Variants in DLGAP1 observed in about 807,000 individuals in gnomAD.
DLGAP1 encodes DLG associated protein 1.
In DLGAP1, 11 loss-of-function variants were observed where a neutral mutation model predicts 90.8. That is an observed-to-expected ratio of 0.12 (90% confidence interval 0.08 to 0.20). DLGAP1 has a LOEUF of 0.20. Among genes scored for constraint, DLGAP1 ranks in the 10% least tolerant of loss-of-function variants. DLGAP1 has a pLI of 1.00. For missense variants in DLGAP1, 1,050 were observed against 1,333.8 expected, an observed-to-expected ratio of 0.79 and a Z score of 3.31; for synonymous variants, 558 against 540.7, an observed-to-expected ratio of 1.03 and a Z score of -0.44.
intron 4 of DLGAP1, chr18:3,845,523 AT>A (rs1598978485): frequency 1.0e-6 from 1 of 985,252 alleles, no homozygotes; most frequent in Non-Finnish European, 1.2e-6. Context: ...CTTAGTGCAG[AT>A]TTTTCAGCCT....
intron 1 of DLGAP1, among the ~76,000 whole-genome samples, chr18:4,206,894 G>A (rs768854156): frequency 2.0e-5 from 3 of 152,194 alleles, no homozygotes; most frequent in Non-Finnish European, 4.4e-5. Context: ...ATGAAGCTGA[G>A]AGAATTTCTT....
At chr18:3,620,420 C>T (rs1172672963) in intron 7 of DLGAP1, among the ~76,000 whole-genome samples, 1 of 152,038 alleles carries the variant, frequency 6.6e-6, no homozygotes, top group African/African-American at 2.4e-5. Context: ...TTCTGACCTC[C>T]AGAACAGTGA....
At chr18:4,036,649 A>C (rs1158932479) in intron 2 of DLGAP1, among the ~76,000 whole-genome samples, 1 of 152,218 alleles carries the variant, frequency 6.6e-6, no homozygotes, top group Non-Finnish European at 1.5e-5. Flanking sequence ...ATTGACATGA[A>C]GAATGCATTT....
In DLGAP1 at chr18:3,499,233, G is replaced by A. The variant is rs1275769320; in HGVS notation, c.2886C>T (p.Ser962=). ...ASVRQNSATE[S]AESIEIYIPE... ...GGATGTAGATCTCGATGCTCTCGGC[G>A]CTCTCGGTGGCCGAGTTCTGGCGGA... Residue 962 remains serine (S), a synonymous_variant, in exon 13 of 13, where the codon AGC becomes AGT. Transcript: ENST00000315677. This position sits in a 1 kb window ranked among gnomAD's most constrained non-coding sequence, Gnocchi z 6.4. 1.3e-6 allele frequency: 2 copies of A among 1,597,272 alleles called. No homozygotes were observed. Among genetic ancestry groups the A allele is most frequent in the East Asian group, 2.3e-5 (1 of 44,006 alleles).
At chr18:4,154,126 G>A (rs1013737309) in intron 1 of DLGAP1, among the ~76,000 whole-genome samples, 6 of 151,906 alleles carry the variant, frequency 3.9e-5, no homozygotes, top group Admixed American at 6.6e-5. Flanking sequence ...GCAGTGGTGC[G>A]ATCATAGCTC....
At chr18:3,561,266 C>CAAAA (rs71159092) in intron 9 of DLGAP1, among the ~76,000 whole-genome samples, 1 of 110,480 alleles carries the variant, frequency 9.1e-6, no homozygotes, top group Non-Finnish European at 1.9e-5. Context: ...AAAAAAAAAA[C>CAAAA]AAAAAAAAAA....
At chr18:3,713,890 C>T (rs2147255554) in intron 7 of DLGAP1, among the ~76,000 whole-genome samples, 1 of 152,270 alleles carries the variant, frequency 6.6e-6, no homozygotes, top group South Asian at 2.1e-4. Flanking sequence ...GGATGATTTA[C>T]CATGTTGGAT....
chr18:4,009,027 T>C (rs2074364068), intron 2 of DLGAP1, among the ~76,000 whole-genome samples: 1 of 152,206 alleles, frequency 6.6e-6, no homozygotes, highest in Non-Finnish European at 1.5e-5. Context: ...CCTCAGCCTT[T>C]GGAGTAGCTG....
In DLGAP1 at chr18:4,454,509, T is replaced by C. The variant is rs2083922198; in HGVS notation, c.-267+497A>G. Among the ~76,000 whole-genome samples, 1 of 152,096 alleles carries C rather than the reference T, an allele frequency of 6.6e-6. No homozygotes were observed. Among genetic ancestry groups the C allele is most frequent in the Non-Finnish European group, 1.5e-5 (1 of 68,014 alleles). On this transcript the variant is annotated intron_variant, in intron 1 of 12. Transcript: ENST00000315677. The surrounding 1 kb of genome is among the most constrained non-coding windows in gnomAD (Gnocchi z 4.7). ...TTGGTCCTTTTCCACAATGCCAAAA[T>C]GTCACCCAAAAAGCTAGTGCAACAA...
At chr18:3,513,701 T>A (rs1265745943) in intron 10 of DLGAP1, among the ~76,000 whole-genome samples, 3 of 152,172 alleles carry the variant, frequency 2.0e-5, no homozygotes, top group Non-Finnish European at 4.4e-5. Flanking sequence ...CTTTTACAGA[T>A]TATGTGTCAT....
intron 4 of DLGAP1, among the ~76,000 whole-genome samples, chr18:3,818,434 A>G (rs1032878471): frequency 7.7e-6 from 1 of 130,010 alleles, no homozygotes; most frequent in African/African-American, 3.0e-5. Flanking sequence ...ATCTTAGCTC[A>G]CTGCAACCTC....
intron 4 of DLGAP1, among the ~76,000 whole-genome samples, chr18:3,878,522 C>T (rs1318053876): frequency 6.6e-6 from 1 of 152,076 alleles, no homozygotes; most frequent in Admixed American, 6.5e-5. Flanking sequence ...TTGTCAGGTC[C>T]CCAAACTGGC....
intron 1 of DLGAP1, among the ~76,000 whole-genome samples, chr18:4,389,561 C>T (rs974936588): frequency 1.3e-5 from 2 of 152,142 alleles, no homozygotes; most frequent in Admixed American, 1.3e-4. Context: ...TGAATGGTGA[C>T]AGCAAAAACA....
intron 3 of DLGAP1, among the ~76,000 whole-genome samples, chr18:3,953,374 A>T (rs2073026262): frequency 6.6e-6 from 1 of 152,106 alleles, no homozygotes; most frequent in African/African-American, 2.4e-5. Flanking sequence ...TTATTATTTC[A>T]TTCGATATGT....
chr18:4,225,526 T>C (rs2078168228), intron 1 of DLGAP1, among the ~76,000 whole-genome samples: 1 of 152,046 alleles, frequency 6.6e-6, no homozygotes, highest in Non-Finnish European at 1.5e-5. Context: ...TTAAAATAGC[T>C]TTTTTGAGGA....
intron 7 of DLGAP1, among the ~76,000 whole-genome samples, chr18:3,707,777 A>T (rs2061481880): frequency 6.6e-6 from 1 of 152,090 alleles, no homozygotes; most frequent in Admixed American, 6.6e-5. Context: ...TGTCTGCCTG[A>T]TTGAAAGGGG....
intron 1 of DLGAP1, among the ~76,000 whole-genome samples, chr18:4,349,360 C>A (rs774681490): frequency 5.3e-5 from 8 of 151,888 alleles, no homozygotes; most frequent in Non-Finnish European, 8.8e-5. Context: ...AAGAAGTACC[C>A]CAAATCAAAA....
intron 2 of DLGAP1, among the ~76,000 whole-genome samples, chr18:4,089,609 A>C (rs570480665): frequency 6.6e-6 from 1 of 152,302 alleles, no homozygotes; most frequent in Non-Finnish European, 1.5e-5. Context: ...TGACACATAG[A>C]CCAATGGAAC....
intron 2 of DLGAP1, among the ~76,000 whole-genome samples, chr18:4,064,613 G>A (rs2075346302): frequency 6.6e-6 from 1 of 151,910 alleles, no homozygotes; most frequent in Non-Finnish European, 1.5e-5. Context: ...ATAAATTCAT[G>A]GACACAGACA....
Sources: allele counts gnomAD v4.1 joint callset (sites outside exome capture counted in the v4.1 genomes callset), GRCh38; gene constraint gnomAD v4.1.1; non-coding constraint Gnocchi (gnomAD v3.1); transcripts MANE v1.5; gene names NCBI Gene and HGNC (gene_info 2026-07-23, HGNC 2026-07-21).